ACBD6: variants seen among roughly 807,000 people sequenced by gnomAD.
The protein encoded by ACBD6 is acyl-CoA-binding domain-containing protein 6.
Under a neutral mutation model 37.2 loss-of-function variants are expected in ACBD6, and 28 were observed. The ratio of observed to expected loss-of-function variants is 0.75; its 90% CI spans 0.56 to 1.03. ACBD6 has a LOEUF of 1.03. Ranked by LOEUF, ACBD6 falls within the 50% of genes least tolerant of loss-of-function variation. The pLI is 0.00. For synonymous variants in ACBD6, 113 were observed against 126.8 expected (o/e 0.89, Z 0.73); for missense variants, 340 against 337.4 (o/e 1.01, Z -0.06).
rs766890418 is a variant in ACBD6, at chr1:180,358,390, G to A, written c.663+39126C>T. Among the ~76,000 whole-genome samples, 7 of 151,976 alleles carry A rather than the reference G, an allele frequency of 4.6e-5. No homozygotes were observed. In the South Asian group the frequency reaches 1.5e-3, roughly 31 times the overall value. Reference sequence around the variant, plus strand: ...TGCGGTGAGCCGAGATTGTGCCATTGCACTTCAGCCTGGGCAACAGAGCAA... The same window carrying A: ...TGCGGTGAGCCGAGATTGTGCCATTACACTTCAGCCTGGGCAACAGAGCAA... On this transcript the variant is annotated intron_variant, in intron 6 of 7. Transcript: ENST00000367595.
At position 180,288,263 on chromosome 1, in the gene ACBD6, T is replaced by C. The variant is rs763705643; in HGVS notation, c.*100A>G. Reference sequence around the variant, plus strand: ...CCACAGAACTGATTTTATTAGCCAATACATACCAAAGACGGGTGGAAAAGA... The same window carrying C: ...CCACAGAACTGATTTTATTAGCCAACACATACCAAAGACGGGTGGAAAAGA... On this transcript the variant is annotated 3_prime_UTR_variant, in exon 8 of 8. Coordinates refer to ENST00000367595, the MANE Select transcript of ACBD6 (RefSeq NM_032360.4). 84 of 1,532,498 alleles carry C rather than the reference T, an allele frequency of 5.5e-5. No homozygotes were observed. The highest frequency in any genetic ancestry group is 6.5e-5 in the Non-Finnish European group (73 of 1,118,184). 94.9% of individuals were successfully genotyped at this position (1,532,498 alleles called of 1,614,324 possible). A position where few individuals can be genotyped will look rare whatever the true frequency, so the allele number is the denominator to read the frequency against.
intron 6 of ACBD6, among the ~76,000 whole-genome samples, chr1:180,347,603 A>G (rs972831765): frequency 2.0e-5 from 3 of 152,102 alleles, no homozygotes; most frequent in Non-Finnish European, 4.4e-5. Flanking sequence ...TAAAACGGCT[A>G]CCTTAATGTT....
At chr1:180,347,773 C>G (rs1474768161) in intron 6 of ACBD6, among the ~76,000 whole-genome samples, 1 of 152,020 alleles carries the variant, frequency 6.6e-6, no homozygotes, top group Admixed American at 6.6e-5. Flanking sequence ...AGATCAAGAC[C>G]ATCCTGGCTA....
intron 5 of ACBD6, among the ~76,000 whole-genome samples, chr1:180,408,072 A>G (rs6676778): frequency 1.3e-5 from 2 of 152,130 alleles, no homozygotes; most frequent in African/African-American, 4.8e-5. Context: ...AAGTAAGAGC[A>G]TTATCAGAAT....
intron 3 of ACBD6, among the ~76,000 whole-genome samples, chr1:180,490,687 G>A (rs1197245631): frequency 1.3e-5 from 2 of 151,462 alleles, no homozygotes; most frequent in African/African-American, 4.9e-5. Context: ...TCAGGCGGCT[G>A]AGGCAGGAGA....
chr1:180,405,855 G>A (rs1321476744), intron 5 of ACBD6, among the ~76,000 whole-genome samples: 1 of 152,116 alleles, frequency 6.6e-6, no homozygotes, highest in Non-Finnish European at 1.5e-5. Flanking sequence ...TGGTATGTGT[G>A]AAGAGCTGTA....
intron 3 of ACBD6, among the ~76,000 whole-genome samples, chr1:180,454,971 A>T (rs1649860319): frequency 6.6e-6 from 1 of 152,230 alleles, no homozygotes; most frequent in African/African-American, 2.4e-5. Flanking sequence ...GCGATTCCTC[A>T]GGGATCTAGA....
At chr1:180,320,668 A>G (rs890787070) in intron 6 of ACBD6, among the ~76,000 whole-genome samples, 4 of 152,104 alleles carry the variant, frequency 2.6e-5, no homozygotes, top group Admixed American at 2.6e-4. Flanking sequence ...AATGAAAATA[A>G]AATAAAACCA....
chr1:180,384,169 T>C (rs1653761048), intron 6 of ACBD6, among the ~76,000 whole-genome samples: 2 of 150,092 alleles, frequency 1.3e-5, no homozygotes, highest in South Asian at 4.2e-4. Flanking sequence ...AATGAGACTA[T>C]ATTAAACTAC....
At chr1:180,452,963 C>G (rs944678929) in intron 3 of ACBD6, among the ~76,000 whole-genome samples, 3 of 152,174 alleles carry the variant, frequency 2.0e-5, no homozygotes, top group Non-Finnish European at 4.4e-5. Context: ...GACGGATTCA[C>G]AGCTGACGAA....
chr1:180,285,417 C>T (rs1649453843), downstream of ACBD6, among the ~76,000 whole-genome samples: 1 of 152,130 alleles, frequency 6.6e-6, no homozygotes, highest in Non-Finnish European at 1.5e-5. Context: ...ATGATGAAAA[C>T]ATTTGACTCA....
At chr1:180,335,009 C>T (rs534766582) in intron 6 of ACBD6, among the ~76,000 whole-genome samples, 49 of 152,122 alleles carry the variant, frequency 3.2e-4, no homozygotes, top group African/African-American at 8.7e-4. Context: ...TATGGGACTA[C>T]GTGAAAAGAC....
intron 6 of ACBD6, among the ~76,000 whole-genome samples, chr1:180,348,852 C>A (rs915572618): frequency 6.6e-6 from 1 of 152,170 alleles, no homozygotes; most frequent in Non-Finnish European, 1.5e-5. Context: ...TTACTAAGAA[C>A]TTATGACAAA....
intron 3 of ACBD6, among the ~76,000 whole-genome samples, chr1:180,447,639 GA>G: frequency 6.6e-6 from 1 of 151,962 alleles, no homozygotes; most frequent in Non-Finnish European, 1.5e-5. Flanking sequence ...TAATTTTCTA[GA>G]AATATAACAC....
Position 180,499,508 on chromosome 1 carries a change from G to C in ACBD6, c.222+2537C>G, listed in dbSNP as rs564332318. Among the ~76,000 whole-genome samples, 9 of 152,236 alleles carry C rather than the reference G, an allele frequency of 5.9e-5. No homozygotes were observed. The South Asian group carries it at 1.9e-3, about 32-fold the overall frequency. On this transcript the variant is annotated intron_variant, in intron 1 of 7. Coordinates refer to ENST00000367595, the MANE Select transcript of ACBD6 (RefSeq NM_032360.4). ...CCTGAGACAAAATGGTTCCCAAGTC[G>C]ATAGGTGACTACAGTTCACTGATGA... is the stretch of plus-strand genomic sequence containing the variant.
rs922304625 is a variant in ACBD6 at position 180,314,087 on chromosome 1, T to C, written c.694+605A>G. ...GAGATGCTAGATTTTACAGTGACCA[T>C]GATTTTAACATCTTTCTTGTCACTC... is the stretch of plus-strand genomic sequence containing the variant. On this transcript the variant is annotated intron_variant, in intron 7 of 7. Transcript: ENST00000367595. Among the ~76,000 whole-genome samples, 81 of 152,194 alleles carry C rather than the reference T, an allele frequency of 5.3e-4. 2 individuals are homozygous for C. The highest frequency in any genetic ancestry group is 1.5e-5 in the Non-Finnish European group (1 of 68,028).
At chr1:180,279,517 C>T (rs1026400339) in intron 9 of ACBD6, among the ~76,000 whole-genome samples, 3 of 152,248 alleles carry the variant, frequency 2.0e-5, no homozygotes, top group South Asian at 2.1e-4. Context: ...AGGCTGGTCT[C>T]GAACTCCTGA....
intron 7 of ACBD6, among the ~76,000 whole-genome samples, chr1:180,302,029 A>C (rs1330023588): frequency 6.6e-6 from 1 of 150,550 alleles, no homozygotes. Flanking sequence ...ACTTTTTATA[A>C]TAGATTTATT....
chr1:180,458,823 T>C (rs1215703857), intron 3 of ACBD6, among the ~76,000 whole-genome samples: 1 of 152,180 alleles, frequency 6.6e-6, no homozygotes, highest in Non-Finnish European at 1.5e-5. Context: ...AAAACTTAGA[T>C]TTAAATAATG....
Sources: allele counts gnomAD v4.1 joint callset (sites outside exome capture counted in the v4.1 genomes callset), GRCh38; gene constraint gnomAD v4.1.1; transcripts MANE v1.5; gene names NCBI Gene and HGNC (gene_info 2026-07-23, HGNC 2026-07-21).